Variants in ATPAF1 observed in about 807,000 individuals in gnomAD.
The protein encoded by ATPAF1 is ATP synthase mitochondrial F1 complex assembly factor 1.
In ATPAF1, 26 loss-of-function variants were observed where a neutral mutation model predicts 43.9. That is an observed-to-expected ratio of 0.59 (90% CI 0.43 to 0.82). The LOEUF (loss-of-function observed/expected upper bound fraction) is 0.82, where lower values mean the gene tolerates loss of function less well. ATPAF1 is among the 40% of genes least tolerant of loss of function. The pLI, the probability that ATPAF1 is intolerant of heterozygous loss-of-function variation, is 0.00. For missense variants in ATPAF1, 366 were observed against 435.0 expected, an observed-to-expected ratio of 0.84 and a Z score of 1.41; for synonymous variants, 157 against 168.0, an observed-to-expected ratio of 0.93 and a Z score of 0.50.
exon 2 of ATPAF1, chr1:46,665,265 C>T (rs775276151): frequency 3.7e-6 from 6 of 1,614,114 alleles, no homozygotes; most frequent in Non-Finnish European, 5.1e-6. Context: ...CCTTCTGTTC[C>T]ACACATTTGA....
rs201273666 is a variant in ATPAF1 at position 46,658,238 on chromosome 1, A to C, written c.427-49T>G. On this transcript the variant is annotated intron_variant, in intron 3 of 8. Transcript: ENST00000574428. ...ATTAACACATAATTAAAAAAAAAAA[A>C]AAACAGCTTAACTCTATCTCTAAGC... 2.0e-4 allele frequency: 285 copies of C among 1,415,284 alleles called. 1 individual carries two copies. The Admixed American group carries it at 5.7e-3, about 28-fold the overall frequency. The allele number at this position is 1,415,284 out of a possible 1,614,324, so 87.7% of individuals were successfully genotyped here.
At position 46,668,330 on chromosome 1, in the gene ATPAF1, C is replaced by T; in HGVS notation, c.-8G>A. ...CACCACCACAGCAGCCATGGCCGCC[C>T]CCGCCTCCTCCTCCTCCTCAGGCGC... On this transcript the variant is annotated 5_prime_UTR_variant, in exon 1 of 9. Coordinates refer to ENST00000574428, the Ensembl canonical transcript of ATPAF1. The surrounding 1 kb of genome is among the most constrained non-coding windows in gnomAD (Gnocchi z 4.4). 1 of 1,357,996 alleles carries T rather than the reference C, an allele frequency of 7.4e-7. No individual in the cohort carries two copies. The highest frequency in any genetic ancestry group is 9.5e-7 in the Non-Finnish European group (1 of 1,050,956). 84.1% of individuals were successfully genotyped at this position (1,357,996 alleles called of 1,614,324 possible).
rs1553218332 is a variant in ATPAF1, at chr1:46,654,528, T to TTTTTTA, written c.490-662_490-661insTAAAAA. ...TGAGACTGGGCAATTTATTTATTTA[T>TTTTTTA]TTATTATTATTATTATTATTATTAT... On this transcript the variant is annotated intron_variant, in intron 4 of 8. Coordinates refer to ENST00000574428, the Ensembl canonical transcript of ATPAF1. 2.3e-3 allele frequency among the ~76,000 whole-genome samples: 314 copies of TTTTTTA among 135,262 alleles called. 3 individuals carry two copies. The highest frequency in any genetic ancestry group is 0.018 in the Admixed American group (247 of 13,838). The allele number at this position is 135,262 out of a possible 152,430, so 88.7% of individuals were successfully genotyped here.
intron 1 of ATPAF1, 146 bp downstream of exon 1, chr1:46,667,911 T>C (rs537912725): frequency 3.4e-6 from 2 of 586,368 alleles, no homozygotes; most frequent in Non-Finnish European, 5.0e-6. Flanking sequence ...CTTGGGCAAG[T>C]GACCTAGCCT....
intron 4 of ATPAF1, among the ~76,000 whole-genome samples, chr1:46,656,926 CAG>C (rs778747209): frequency 2.6e-5 from 4 of 152,188 alleles, no homozygotes; most frequent in Non-Finnish European, 5.9e-5. Flanking sequence ...GTATCTGGCA[CAG>C]AGTCTGACAT....
At chr1:46,660,730 C>T (rs1051780157) in intron 2 of ATPAF1, among the ~76,000 whole-genome samples, 1 of 152,062 alleles carries the variant, frequency 6.6e-6, no homozygotes, top group Non-Finnish European at 1.5e-5. Flanking sequence ...TTTTACTTCC[C>T]TACTATGGAT....
At chr1:46,662,485 G>C (rs1676408834) in intron 2 of ATPAF1, among the ~76,000 whole-genome samples, 1 of 149,250 alleles carries the variant, frequency 6.7e-6, no homozygotes. Flanking sequence ...GGAATGCAGT[G>C]CCATGACCTC....
chr1:46,668,200 G>T lies in ATPAF1; in HGVS notation c.123C>A (p.Pro41=). The stretch of plus-strand genomic sequence containing the variant: ...GCACTGGGAAGACGCGCAGCTGCGC[G>T]GGTGACACGAGCCCCAGGCCCAGGG... The change falls in exon 1 of 9, where the codon CCC becomes CCA. Residue 41 remains proline, a synonymous_variant. Transcript: ENST00000574428. This position sits in a 1 kb window ranked among gnomAD's most constrained non-coding sequence, Gnocchi z 4.4. 1 of 1,389,202 alleles carries T rather than the reference G, an allele frequency of 7.2e-7. No homozygotes were observed. 86.1% of individuals were successfully genotyped at this position (1,389,202 alleles called of 1,614,324 possible).
At chr1:46,665,160 T>G (rs1410477547) in intron 2 of ATPAF1, 96 bp downstream of exon 2, 1 of 1,140,054 alleles carries the variant, frequency 8.8e-7, no homozygotes, top group Non-Finnish European at 1.3e-6. Flanking sequence ...TTCACCCAGC[T>G]GACCCATCAA....
chr1:46,643,211 T>C, exon 8 of ATPAF1: 3 of 1,613,216 alleles, frequency 1.9e-6, no homozygotes, highest in Non-Finnish European at 1.7e-6. Flanking sequence ...GTGGAATCCA[T>C]TTCTGCAGTC....
chr1:46,666,138 G>T, intron 1 of ATPAF1: 1 of 188,232 alleles, frequency 5.3e-6, no homozygotes, highest in African/African-American at 2.4e-5. Flanking sequence ...CCCTCTGGTG[G>T]ACTTTCCTGG....
At chr1:46,639,945 T>C (rs1258060) in intron 8 of ATPAF1, among the ~76,000 whole-genome samples, 152,319 of 152,320 alleles carry the variant, frequency 1, 76,159 homozygotes, top group Non-Finnish European at 1. Flanking sequence ...CCTCTGACCT[T>C]TAGGATCCAC....
rs72898751 is a variant in ATPAF1, at chr1:46,665,858, G to C, written c.267-494C>G. 5.3e-4 allele frequency: 756 copies of C among 1,422,928 alleles called. 6 individuals are homozygous for C. In the African/African-American group the frequency reaches 9.3e-3, roughly 18 times the overall value. 88.1% of individuals were successfully genotyped at this position (1,422,928 alleles called of 1,614,324 possible). ...ATTTTGCAGAAGATTTAGCATCTGA[G>C]TATCTCCCTAACCTACCCTCCAAAG... On this transcript the variant is annotated intron_variant, in intron 1 of 8. Transcript: ENST00000574428.
downstream of ATPAF1, chr1:46,633,098 C>T (rs1321676922): frequency 5.2e-5 from 8 of 152,722 alleles, no homozygotes; most frequent in Non-Finnish European, 1.2e-4. Context: ...AGTAGATTCC[C>T]AGTACCTTCT....
At chr1:46,667,846 A>G (rs967469890) in intron 1 of ATPAF1, among the ~76,000 whole-genome samples, 3 of 152,242 alleles carry the variant, frequency 2.0e-5, no homozygotes, top group African/African-American at 7.2e-5. Context: ...ACAAACGTGG[A>G]ACGAGCCAGG....
At chr1:46,659,721 A>T (rs1401496889) in intron 2 of ATPAF1, among the ~76,000 whole-genome samples, 3 of 152,202 alleles carry the variant, frequency 2.0e-5, no homozygotes, top group Non-Finnish European at 2.9e-5. Flanking sequence ...GCTTCTCAGA[A>T]GTACATTCGA....
At chr1:46,633,129 A>T (rs1314060224), downstream of ATPAF1, 4 of 152,874 alleles carry the variant, frequency 2.6e-5, no homozygotes, top group African/African-American at 9.7e-5. Flanking sequence ...TTGATTTAGT[A>T]CGTGTGTGGG....
chr1:46,640,653 A>AACAC (rs1310552860), intron 8 of ATPAF1, among the ~76,000 whole-genome samples: 1 of 151,786 alleles, frequency 6.6e-6, no homozygotes, highest in Admixed American at 6.6e-5. Flanking sequence ...CAAACAAACA[A>AACAC]ACAAACAAAA....
chr1:46,646,485 C>T (rs1412791013), intron 6 of ATPAF1, among the ~76,000 whole-genome samples: 3 of 152,144 alleles, frequency 2.0e-5, no homozygotes, highest in Non-Finnish European at 2.9e-5. Flanking sequence ...AAGTTTTATG[C>T]TCAAGATGTT....
Sources: allele counts gnomAD v4.1 joint callset (sites outside exome capture counted in the v4.1 genomes callset), GRCh38; gene constraint gnomAD v4.1.1; non-coding constraint Gnocchi (gnomAD v3.1); transcripts MANE v1.5; gene names NCBI Gene and HGNC (gene_info 2026-07-23, HGNC 2026-07-21).